The following ANKRD28 variants were observed in gnomAD, a reference collection of about 807,000 sequenced individuals.
ANKRD28 encodes serine/threonine-protein phosphatase 6 regulatory ankyrin repeat subunit A.
ANKRD28 carries 44 observed loss-of-function variants against 126.5 expected under a neutral mutation model. The ratio of observed to expected loss-of-function variants is 0.35; its 90% CI spans 0.27 to 0.45. The LOEUF is 0.45. Among genes scored for constraint, ANKRD28 ranks in the 20% least tolerant of loss-of-function variants. The pLI is 1.00. For synonymous variants in ANKRD28, 442 were observed against 468.5 expected, an observed-to-expected ratio of 0.94 and a Z score of 0.73; for missense variants, 1,110 against 1,316.6, an observed-to-expected ratio of 0.84 and a Z score of 2.43.
At chr3:15,705,793 G>A (rs1182132734) in intron 14 of ANKRD28, among the ~76,000 whole-genome samples, 2 of 152,140 alleles carry the variant, frequency 1.3e-5, no homozygotes, top group African/African-American at 4.8e-5. Context: ...CTTAGGTCAG[G>A]AGTTTGAGAC....
chr3:15,767,907 A>G (rs2058825082), intron 2 of ANKRD28, among the ~76,000 whole-genome samples: 1 of 148,442 alleles, frequency 6.7e-6, no homozygotes, highest in Non-Finnish European at 1.5e-5. Context: ...ACAAAACAAA[A>G]CAACAAAAAC....
intron 12 of ANKRD28, 53 bp downstream of exon 12, chr3:15,711,158 C>G: frequency 7.1e-7 from 1 of 1,416,292 alleles, no homozygotes; most frequent in Admixed American, 1.9e-5. Flanking sequence ...TAAGAGAAAA[C>G]CTGCCATGAC....
At chr3:15,720,843 A>G in intron 8 of ANKRD28, 72 bp downstream of exon 8, 3 of 1,350,832 alleles carry the variant, frequency 2.2e-6, no homozygotes, top group South Asian at 1.3e-5. Flanking sequence ...TTATTGCTCA[A>G]TGGTATTCAC....
At chr3:15,769,650 T>C (rs1262259972) in intron 2 of ANKRD28, among the ~76,000 whole-genome samples, 1 of 152,156 alleles carries the variant, frequency 6.6e-6, no homozygotes, top group African/African-American at 2.4e-5. Context: ...AATAGATGAC[T>C]TTGGCACATT....
chr3:15,690,322 T>C (rs1024439383), intron 17 of ANKRD28, 102 bp from the exon 18 acceptor site: 7 of 984,004 alleles, frequency 7.1e-6, no homozygotes, highest in African/African-American at 3.3e-5. Context: ...CATATTATTA[T>C]CCTACTTGAG....
intron 4 of ANKRD28, among the ~76,000 whole-genome samples, chr3:15,744,350 G>A (rs2057328645): frequency 6.6e-6 from 1 of 151,078 alleles, no homozygotes; most frequent in Non-Finnish European, 1.5e-5. Context: ...TTTCACTTTT[G>A]TCACCCAGGC....
chr3:15,777,001 A>G (rs974357020), intron 2 of ANKRD28, among the ~76,000 whole-genome samples: 1 of 152,148 alleles, frequency 6.6e-6, no homozygotes. Context: ...CTGGGCCAGG[A>G]GCAGAGGCTC....
At chr3:15,709,483 T>G (rs2071937139) in intron 13 of ANKRD28, among the ~76,000 whole-genome samples, 185 bp downstream of exon 13, 2 of 152,196 alleles carry the variant, frequency 1.3e-5, no homozygotes, top group Admixed American at 6.5e-5. Flanking sequence ...TGGTAGGGAC[T>G]CAAGAAGAAA....
At position 15,816,655 on chromosome 3, in the gene ANKRD28, T is replaced by A. The variant is rs998213155; in HGVS notation, c.28-21349A>T. Among the ~76,000 whole-genome samples the A allele has an allele frequency of 6.6e-6, 1 of 152,196 alleles. No individual in the cohort carries two copies. The highest frequency in any genetic ancestry group is 2.4e-5 in the African/African-American group (1 of 41,448). Reference sequence around the variant, plus strand: ...ACTATTTAACCCACTAGATGCTAACTAACAAACATTTAAGTTACATGAAAC... The same window carrying A: ...ACTATTTAACCCACTAGATGCTAACAAACAAACATTTAAGTTACATGAAAC... On this transcript the variant is annotated intron_variant, in intron 1 of 27. Coordinates refer to the ANKRD28 transcript ENST00000399451. The surrounding 1 kb of genome is among the most constrained non-coding windows in gnomAD (Gnocchi z 5.0).
rs1358035787 is a variant in ANKRD28, at chr3:15,838,728, ACAAG to A, written c.27+20645_27+20648del. 1.3e-5 allele frequency among the ~76,000 whole-genome samples: 2 copies of A among 150,798 alleles called. No homozygotes were observed. The highest frequency in any genetic ancestry group is 3.0e-5 in the Non-Finnish European group (2 of 67,688). The stretch of plus-strand genomic sequence containing the variant: ...ACGCCACTGCACTCCAGCCTGGGCA[ACAAG>A]AACGAAACTCCGTCTCAAAAAAAAA... On this transcript the variant is annotated intron_variant, in intron 1 of 27. Transcript: ENST00000399451. This position sits in a 1 kb window ranked among gnomAD's most constrained non-coding sequence, Gnocchi z 4.0.
At chr3:15,734,798 A>G (rs2074906928) in intron 6 of ANKRD28, among the ~76,000 whole-genome samples, 1 of 152,162 alleles carries the variant, frequency 6.6e-6, no homozygotes, top group Admixed American at 6.5e-5. Flanking sequence ...CTCTGCAAGA[A>G]CCAATTAATG....
chr3:15,681,752 G>A (rs530213900), intron 21 of ANKRD28, among the ~76,000 whole-genome samples: 5 of 152,088 alleles, frequency 3.3e-5, no homozygotes, highest in Admixed American at 3.3e-4. Context: ...AGTGGATTTT[G>A]CCCATCAGCA....
intron 1 of ANKRD28, among the ~76,000 whole-genome samples, chr3:15,858,045 AAC>A (rs2061812907): frequency 6.6e-6 from 1 of 152,234 alleles, no homozygotes; most frequent in East Asian, 1.9e-4. Flanking sequence ...GCTATTCTCT[AAC>A]ACTGCTGTCC....
rs1362917253 is a variant in ANKRD28 at position 15,833,618 on chromosome 3, C to A, written c.27+25759G>T. Among the ~76,000 whole-genome samples the A allele has an allele frequency of 1.3e-5, 2 of 151,232 alleles. No individual in the cohort carries two copies. Among genetic ancestry groups the A allele is most frequent in the Non-Finnish European group, 2.9e-5 (2 of 67,824 alleles). On this transcript the variant is annotated intron_variant, in intron 1 of 27. Coordinates refer to the ANKRD28 transcript ENST00000399451. The surrounding 1 kb of genome is among the most constrained non-coding windows in gnomAD (Gnocchi z 4.4). Reference sequence around the variant, plus strand: ...CCCTCTAGAGAACCCTAATACAGCACCCTTGGCAACATCTGTTGTTTTTTT... The same window carrying A: ...CCCTCTAGAGAACCCTAATACAGCAACCTTGGCAACATCTGTTGTTTTTTT...
At chr3:15,793,973 G>A (rs577573675) in intron 2 of ANKRD28, among the ~76,000 whole-genome samples, 1 of 152,276 alleles carries the variant, frequency 6.6e-6, no homozygotes, top group East Asian at 1.9e-4. Context: ...GGGAGGTTGA[G>A]GCAGGAGAAT....
chr3:15,773,035 A>C (rs2125618289), intron 2 of ANKRD28, among the ~76,000 whole-genome samples: 1 of 152,224 alleles, frequency 6.6e-6, no homozygotes, highest in South Asian at 2.1e-4. Flanking sequence ...TTGTCAGTAA[A>C]ATAAGGAAAA....
At chr3:15,855,261 A>T (rs1487735427) in intron 1 of ANKRD28, among the ~76,000 whole-genome samples, 1 of 152,198 alleles carries the variant, frequency 6.6e-6, no homozygotes, top group East Asian at 1.9e-4. Context: ...GAACTTATTA[A>T]CTATCCAAAA....
At chr3:15,722,394 GA>G (rs1284780259) in intron 7 of ANKRD28, among the ~76,000 whole-genome samples, 6 of 152,186 alleles carry the variant, frequency 3.9e-5, no homozygotes, top group Non-Finnish European at 1.5e-5. Context: ...CTGACTCCGT[GA>G]AGAGTGGACA....
chr3:15,806,214 T>C (rs978720632), intron 1 of ANKRD28, among the ~76,000 whole-genome samples: 1 of 152,230 alleles, frequency 6.6e-6, no homozygotes. Flanking sequence ...CTTGTAACAA[T>C]GTTAATTCAG....
Sources: allele counts gnomAD v4.1 joint callset (sites outside exome capture counted in the v4.1 genomes callset), GRCh38; gene constraint gnomAD v4.1.1; non-coding constraint Gnocchi (gnomAD v3.1); transcripts MANE v1.5; gene names NCBI Gene and HGNC (gene_info 2026-07-23, HGNC 2026-07-21).